The following TCN2 variants were observed in gnomAD, a reference collection of about 807,000 sequenced individuals.
TCN2 encodes the protein transcobalamin 2.
Under a neutral mutation model 48.6 loss-of-function variants are expected in TCN2, and 34 were observed. The ratio of observed to expected loss-of-function variants is 0.70; its 90% CI spans 0.53 to 0.93. The LOEUF is 0.93. TCN2 is among the 40% of genes least tolerant of loss of function. TCN2 has a pLI of 0.00. For missense variants in TCN2, 652 were observed against 526.1 expected (o/e 1.24, Z -2.34); for synonymous variants, 283 against 212.5 (o/e 1.33, Z -2.89).
chr22:30,624,732 C>T (rs560925129), intron 8 of TCN2, among the ~76,000 whole-genome samples: 11 of 152,204 alleles, frequency 7.2e-5, no homozygotes, highest in African/African-American at 9.6e-5. Flanking sequence ...GAAGGAAGCC[C>T]GCTCCCAGGA....
rs780450368 is a variant in TCN2, at chr22:30,607,318, C to T, written c.-14C>T. 8 of 1,614,028 alleles carry T rather than the reference C, an allele frequency of 5.0e-6. No homozygotes were observed. Among genetic ancestry groups the T allele is most frequent in the Admixed American group, 3.3e-5 (2 of 60,006 alleles). The stretch of plus-strand genomic sequence containing the variant: ...TCCCGATTCTTGCTCACTGCTCACC[C>T]ACCTGCTGCTGCCATGAGGCACCTT... On this transcript the variant is annotated 5_prime_UTR_variant, in exon 1 of 9. Coordinates refer to ENST00000215838, the MANE Select transcript of TCN2 (RefSeq NM_000355.4).
Position 30,615,740 on chromosome 22 carries a change from A to C in TCN2, c.893A>C (p.His298Pro). ...TCCCAGCTGCTGCCCGTTCTGAACC[A>C]CAAGACCTACATTGATCTGATCTTC... ...MISQLLPVLNHKTYIDLIFPD... is the reference protein window; with the variant it reads ...MISQLLPVLNPKTYIDLIFPD... The change falls in exon 6 of 9, where the codon CAC becomes CCC. Residue 298 changes from histidine to proline, a missense_variant. Physicochemically the swap from His to Pro is moderately conservative, Grantham distance 77. Transcript: ENST00000215838. 1 of 1,614,212 alleles carries C rather than the reference A, an allele frequency of 6.2e-7. No individual in the cohort carries two copies. The highest frequency in any genetic ancestry group is 8.5e-7 in the Non-Finnish European group (1 of 1,180,036).
At chr22:30,623,557 TACTTA>T (rs1041142444) in intron 8 of TCN2, among the ~76,000 whole-genome samples, 33 of 151,774 alleles carry the variant, frequency 2.2e-4, no homozygotes, top group Admixed American at 1.8e-3. Context: ...CAGCCAAAAT[TACTTA>T]ACTTTTCTTC....
intron 7 of TCN2, among the ~76,000 whole-genome samples, chr22:30,622,751 T>G (rs2087717474): frequency 6.6e-6 from 1 of 151,980 alleles, no homozygotes; most frequent in Non-Finnish European, 1.5e-5. Flanking sequence ...ATGGTCAGCG[T>G]GGAGAGGATG....
intron 7 of TCN2, among the ~76,000 whole-genome samples, chr22:30,621,503 G>C (rs776416798): frequency 6.6e-6 from 1 of 151,946 alleles, no homozygotes; most frequent in Non-Finnish European, 1.5e-5. Context: ...TTGTTTTTGA[G>C]AAGCAGTCTT....
chr22:30,625,918 C>G (rs533336766), intron 8 of TCN2, among the ~76,000 whole-genome samples: 1 of 152,126 alleles, frequency 6.6e-6, no homozygotes, highest in Non-Finnish European at 1.5e-5. Context: ...CATAGCACCT[C>G]CATTGAAAGG....
Position 30,622,962 on chromosome 22 carries a change from C to T in TCN2, c.1107-6C>T, listed in dbSNP as rs376062683. 6 of 1,613,926 alleles carry T rather than the reference C, an allele frequency of 3.7e-6. No homozygotes were observed. In the African/African-American group the frequency reaches 8.0e-5, roughly 22 times the overall value. ...TTCTCTCCCCATTTGCCTTTCCCTTCTGTAGATATGAAACACAGGCCTCCT... is the reference window on the plus strand; with the variant it reads ...TTCTCTCCCCATTTGCCTTTCCCTTTTGTAGATATGAAACACAGGCCTCCT... On this transcript the variant is annotated splice_region_variant and splice_polypyrimidine_tract_variant and intron_variant, in intron 7 of 8. Transcript: ENST00000215838.
rs768500914 is a variant in TCN2 at position 30,623,073 on chromosome 22, A to G, written c.1212A>G (p.Pro404=). 3.7e-6 allele frequency: 6 copies of G among 1,613,490 alleles called. No homozygotes were observed. In the Admixed American group the frequency reaches 8.3e-5, roughly 22 times the overall value. The part of the protein sequence containing the change: ...FWQLLRDPNT[P]LLQGIADYRP... ...AGCTTCTCCGAGACCCCAACACCCCACTGTTGCAAGGTGAGTCATGGCCTG... is the reference window on the plus strand; with the variant it reads ...AGCTTCTCCGAGACCCCAACACCCCGCTGTTGCAAGGTGAGTCATGGCCTG... The change falls in exon 8 of 9, where the codon CCA becomes CCG. Residue 404 remains proline (P), a synonymous_variant. Transcript: ENST00000215838.
At chr22:30,610,287 C>T in intron 1 of TCN2, 2 of 471,134 alleles carry the variant, frequency 4.2e-6, no homozygotes, top group Non-Finnish European at 8.8e-6. Context: ...GTTCACCAGG[C>T]AGCCTCAATT....
At chr22:30,609,878 G>T (rs558406872) in intron 1 of TCN2, among the ~76,000 whole-genome samples, 2 of 152,174 alleles carry the variant, frequency 1.3e-5, no homozygotes, top group African/African-American at 4.8e-5. Context: ...CAGACACGAG[G>T]TTGTGGGACC....
At position 30,613,053 on chromosome 22, in the gene TCN2, AC is replaced by A; in HGVS notation, c.427+13del. ...AGAAGAGAGCCATTGGTGAGCAGAC[AC>A]CATCCGCTGGGGGTGGGGAGCAGCT... On this transcript the variant is annotated intron_variant, in intron 3 of 8. Transcript: ENST00000215838. 1 of 1,613,466 alleles carries A rather than the reference AC, an allele frequency of 6.2e-7. No homozygotes were observed. Among genetic ancestry groups the A allele is most frequent in the South Asian group, 1.1e-5 (1 of 91,026 alleles).
At chr22:30,620,967 G>A (rs868742903) in intron 7 of TCN2, among the ~76,000 whole-genome samples, 11 of 152,096 alleles carry the variant, frequency 7.2e-5, no homozygotes, top group South Asian at 6.2e-4. Context: ...GTTTCCCTTC[G>A]CTAAAGTCAC....
intron 7 of TCN2, among the ~76,000 whole-genome samples, chr22:30,619,390 C>T (rs948577184): frequency 3.9e-5 from 6 of 152,214 alleles, no homozygotes; most frequent in Non-Finnish European, 5.9e-5. Flanking sequence ...AGAATAAGAA[C>T]TTTTATTATG....
In TCN2 at chr22:30,617,387, C is replaced by G; in HGVS notation, c.998C>G (p.Thr333Arg). ...CAGACCCAAGAGATCATCAGTGTCA[C>G]GCTGCAGGTGCTTAGTCTCTTGCCG... ...IPQTQEIISVTLQVLSLLPPY... is the reference protein window; with the variant it reads ...IPQTQEIISVRLQVLSLLPPY... Residue 333 changes from threonine (T) to arginine (R), a missense_variant, in exon 7 of 9, where the codon ACG becomes AGG. Physicochemically the swap from Thr to Arg is moderately conservative, Grantham distance 71. Coordinates refer to ENST00000215838, the MANE Select transcript of TCN2 (RefSeq NM_000355.4). 6.2e-7 allele frequency: 1 copy of G among 1,614,146 alleles called. No homozygotes were observed. The highest frequency in any genetic ancestry group is 8.5e-7 in the Non-Finnish European group (1 of 1,180,032).
At chr22:30,623,180 C>G in intron 8 of TCN2, 97 bp downstream of exon 8, 1 of 1,143,938 alleles carries the variant, frequency 8.7e-7, no homozygotes. Flanking sequence ...TAGCACCCTC[C>G]TGGGCCACAC....
At position 30,617,317 on chromosome 22, in the gene TCN2, C is replaced by T. The variant is rs192009509; in HGVS notation, c.941-13C>T. On this transcript the variant is annotated splice_polypyrimidine_tract_variant and intron_variant, in intron 6 of 8. Coordinates refer to ENST00000215838, the MANE Select transcript of TCN2 (RefSeq NM_000355.4). ...CCTCACACCAGCTGCCCGCCCCTTT[C>T]TTCCTGGCACAGTCATGTTGGAACC... The T allele has an allele frequency of 3.4e-4, 548 of 1,614,176 alleles. 2 individuals carry two copies. The East Asian group carries it at 8.9e-3, about 26-fold the overall frequency.
chr22:30,617,427 C>T lies in TCN2; in HGVS notation c.1038C>T (p.Ser346=), dbSNP rs1414120180. The T allele has an allele frequency of 1.2e-6, 2 of 1,613,998 alleles. No individual in the cohort carries two copies. Among genetic ancestry groups the T allele is most frequent in the African/African-American group, 1.3e-5 (1 of 74,882 alleles). Residue 346 remains serine, a synonymous_variant, in exon 7 of 9, where the codon TCC becomes TCT. Coordinates refer to ENST00000215838, the MANE Select transcript of TCN2 (RefSeq NM_000355.4). ...GTCTCTTGCCGCCGTACAGACAGTC[C>T]ATCTCTGTTCTGGCCGGGTCCACCG... ...VLSLLPPYRQ[S]ISVLAGSTVE...
In TCN2 at chr22:30,609,350, T is replaced by C. The variant is rs376566380; in HGVS notation, c.65-1521T>C. ...GCAATCAGCCCTTAGCTGGCAGGGCTGGGTTGGTAGGGCGAGAGCTCACCC... is the reference window on the plus strand; with the variant it reads ...GCAATCAGCCCTTAGCTGGCAGGGCCGGGTTGGTAGGGCGAGAGCTCACCC... On this transcript the variant is annotated intron_variant, in intron 1 of 8. Coordinates refer to ENST00000215838, the MANE Select transcript of TCN2 (RefSeq NM_000355.4). Among the ~76,000 whole-genome samples the C allele has an allele frequency of 4.6e-5, 7 of 152,196 alleles. No homozygotes were observed. In the South Asian group the frequency reaches 1.5e-3, roughly 32 times the overall value.
intron 8 of TCN2, among the ~76,000 whole-genome samples, chr22:30,624,573 TAAA>T (rs2087775426): frequency 6.6e-6 from 1 of 151,984 alleles, no homozygotes; most frequent in Admixed American, 6.6e-5. Flanking sequence ...AATTGAGGAA[TAAA>T]AAATAGGAGC....
Sources: gnomAD v4.1 joint callset for allele counts (sites outside exome capture counted in the v4.1 genomes callset) on GRCh38, gnomAD v4.1.1 for gene constraint, MANE v1.5 for transcripts, NCBI Gene and HGNC (gene_info 2026-07-23, HGNC 2026-07-21) for gene names.